The following STRN3 variants were observed in gnomAD, a reference collection of about 807,000 sequenced individuals.
STRN3 encodes the protein striatin-3.
In STRN3, 29 loss-of-function variants were observed where a neutral mutation model predicts 95.6. That is an observed-to-expected ratio of 0.30 (90% confidence interval 0.23 to 0.41). The LOEUF is 0.41. Among genes scored for constraint, STRN3 ranks in the 10% least tolerant of loss-of-function variants. The pLI, the probability that STRN3 is intolerant of heterozygous loss-of-function variation, is 1.00. For missense variants in STRN3, 890 were observed against 972.1 expected, an observed-to-expected ratio of 0.92 and a Z score of 1.12; for synonymous variants, 331 against 357.6, an observed-to-expected ratio of 0.93 and a Z score of 0.84.
chr14:30,895,328 A>G lies in STRN3; in HGVS notation c.*83T>C, dbSNP rs976918935. 7 of 1,384,392 alleles carry G rather than the reference A, an allele frequency of 5.1e-6. No homozygotes were observed. The highest frequency in any genetic ancestry group is 1.5e-5 in the South Asian group (1 of 68,536). The allele number at this position is 1,384,392 out of a possible 1,614,324, so 85.8% of individuals were successfully genotyped here. ...CACCAGGCAGATCACATGTAGTGTC[A>G]TATCAGTAACCTTTCTGATGGCAGT... On this transcript the variant is annotated 3_prime_UTR_variant, in exon 18 of 18. Coordinates refer to ENST00000357479, the MANE Select transcript of STRN3 (RefSeq NM_001083893.2).
intron 8 of STRN3, among the ~76,000 whole-genome samples, chr14:30,925,803 T>C (rs1039089971): frequency 5.9e-5 from 9 of 152,138 alleles, no homozygotes; most frequent in African/African-American, 2.2e-4. Flanking sequence ...TATAATTATG[T>C]GTCATTTATA....
intron 1 of STRN3, among the ~76,000 whole-genome samples, chr14:31,020,817 G>C (rs1259393197): frequency 1.3e-5 from 2 of 151,992 alleles, no homozygotes; most frequent in Non-Finnish European, 2.9e-5. Context: ...GCAGCAGGAG[G>C]ATCAGTTGAG....
At chr14:30,999,326 C>T (rs1882341613) in intron 1 of STRN3, among the ~76,000 whole-genome samples, 1 of 152,220 alleles carries the variant, frequency 6.6e-6, no homozygotes, top group African/African-American at 2.4e-5. Flanking sequence ...GGATTACAGG[C>T]ATGAGCCACC....
chr14:30,937,919 T>A (rs909455548), intron 5 of STRN3, among the ~76,000 whole-genome samples: 1 of 152,178 alleles, frequency 6.6e-6, no homozygotes, highest in Non-Finnish European at 1.5e-5. Context: ...TTGGTTTCCA[T>A]GAGGCAGTGG....
At chr14:30,989,462 A>AT (rs1230839386) in intron 1 of STRN3, among the ~76,000 whole-genome samples, 1 of 152,024 alleles carries the variant, frequency 6.6e-6, no homozygotes, top group African/African-American at 2.4e-5. Flanking sequence ...CAGGATTTTT[A>AT]TTTATTTATT....
chr14:30,968,001 T>TG (rs1880618966), intron 1 of STRN3, among the ~76,000 whole-genome samples: 1 of 152,158 alleles, frequency 6.6e-6, no homozygotes, highest in Non-Finnish European at 1.5e-5. Flanking sequence ...GCCTAATAAC[T>TG]GGTCTCCTCA....
intron 1 of STRN3, among the ~76,000 whole-genome samples, chr14:30,991,842 T>C (rs1424146970): frequency 6.6e-6 from 1 of 151,390 alleles, no homozygotes; most frequent in African/African-American, 2.4e-5. Context: ...GGTTCACCTG[T>C]AATCCCAGTA....
chr14:30,944,762 C>G (rs1442457023), intron 5 of STRN3, among the ~76,000 whole-genome samples: 1 of 151,346 alleles, frequency 6.6e-6, no homozygotes, highest in Non-Finnish European at 1.5e-5. Context: ...GGATTACAAG[C>G]GTGCACCCAG....
chr14:30,989,782 G>A (rs1047016703), intron 1 of STRN3, among the ~76,000 whole-genome samples: 2 of 151,298 alleles, frequency 1.3e-5, no homozygotes, highest in Non-Finnish European at 2.9e-5. Flanking sequence ...ATAGCCAGAC[G>A]GTAGGAGATT....
At chr14:30,980,545 T>C (rs1881342553) in intron 1 of STRN3, among the ~76,000 whole-genome samples, 1 of 151,880 alleles carries the variant, frequency 6.6e-6, no homozygotes, top group Admixed American at 6.6e-5. Context: ...GTTGCTGGGA[T>C]TACAGGCACC....
At position 31,024,424 on chromosome 14, in the gene STRN3, TG is replaced by T. The variant is rs1883679503; in HGVS notation, c.282+1479del. On this transcript the variant is annotated intron_variant, in intron 1 of 17. Coordinates refer to ENST00000357479, the MANE Select transcript of STRN3 (RefSeq NM_001083893.2). ...AAATTTTAAGTATGTTAAAGCAGAC[TG>T]TACACAACTTAAACCAGTTTTGACT... is the stretch of plus-strand genomic sequence containing the variant. Among the ~76,000 whole-genome samples, 11 of 152,232 alleles carry T rather than the reference TG, an allele frequency of 7.2e-5. No individual in the cohort carries two copies. In the South Asian group the frequency reaches 2.3e-3, roughly 31 times the overall value.
At position 30,950,781 on chromosome 14, in the gene STRN3, A is replaced by G. The variant is rs1879599360; in HGVS notation, c.542+82T>C. 4 of 1,305,264 alleles carry G rather than the reference A, an allele frequency of 3.1e-6. No homozygotes were observed. The East Asian group carries it at 9.3e-5, about 30-fold the overall frequency. 80.9% of individuals were successfully genotyped at this position (1,305,264 alleles called of 1,614,324 possible). ...AAAACATACACATTGTCCCAATATG[A>G]TTTTTTACTTGTAAAGTGATTCAGT... On this transcript the variant is annotated intron_variant, in intron 4 of 17. Coordinates refer to ENST00000357479, the MANE Select transcript of STRN3 (RefSeq NM_001083893.2).
chr14:30,993,254 C>CAAAA (rs35552314), intron 1 of STRN3, among the ~76,000 whole-genome samples: 1 of 129,614 alleles, frequency 7.7e-6, no homozygotes, highest in Non-Finnish European at 1.6e-5. Context: ...GACACTGTCT[C>CAAAA]AAAAAAAAAA....
At chr14:31,025,879 C>T (rs775631007) in intron 1 of STRN3, 25 bp downstream of exon 1, 20 of 1,590,492 alleles carry the variant, frequency 1.3e-5, no homozygotes, top group Non-Finnish European at 1.7e-5. Flanking sequence ...GCCGCAGCTC[C>T]CGCACACCGA....
chr14:31,020,552 T>C (rs1196044829), intron 1 of STRN3, among the ~76,000 whole-genome samples: 1 of 152,060 alleles, frequency 6.6e-6, no homozygotes, highest in Non-Finnish European at 1.5e-5. Context: ...TGAAACTCCA[T>C]TACATATACA....
chr14:30,930,547 T>G (rs1437559527), intron 7 of STRN3, among the ~76,000 whole-genome samples: 1 of 152,142 alleles, frequency 6.6e-6, no homozygotes, highest in Non-Finnish European at 1.5e-5. Flanking sequence ...TCACAGGTGG[T>G]CGGTCAGTAT....
chr14:30,993,748 C>T (rs1254553547), intron 1 of STRN3, among the ~76,000 whole-genome samples: 2 of 152,112 alleles, frequency 1.3e-5, no homozygotes, highest in Non-Finnish European at 2.9e-5. Flanking sequence ...AGTGCGATCT[C>T]GGCTCACTGC....
In STRN3 at chr14:30,919,004, G is replaced by A. The variant is rs766119921; in HGVS notation, c.1202C>T (p.Thr401Ile). The A allele has an allele frequency of 6.2e-7, 1 of 1,606,300 alleles. No homozygotes were observed. The highest frequency in any genetic ancestry group is 1.1e-5 in the South Asian group (1 of 90,052). ...GIINQSRSAS[T>I]RMTDHEGARA... ...TGCACCTTCATGATCAGTCATTCTA[G>A]TAGAGGCTGACCTAGACTGATTAAT... The change falls in exon 9 of 18, where the codon ACT (threonine) becomes ATT (isoleucine). Residue 401 changes from threonine to isoleucine, a missense_variant. Physicochemically the swap from Thr to Ile is moderately conservative, Grantham distance 89. Around this residue, in one of 3 missense-constraint regions of STRN3, gnomAD observed 526 missense variants for 526.3 expected, o/e 1.00. Coordinates refer to ENST00000357479, the MANE Select transcript of STRN3 (RefSeq NM_001083893.2).
At chr14:30,957,281 G>A (rs1231995330) in intron 1 of STRN3, among the ~76,000 whole-genome samples, 5 of 152,006 alleles carry the variant, frequency 3.3e-5, no homozygotes, top group African/African-American at 7.2e-5. Flanking sequence ...GGTGAAACCC[G>A]TCTCTACTAA....
Sources: allele counts gnomAD v4.1 joint callset (sites outside exome capture counted in the v4.1 genomes callset), GRCh38; gene constraint gnomAD v4.1.1; regional missense constraint gnomAD v4.1.1; transcripts MANE v1.5; gene names NCBI Gene and HGNC (gene_info 2026-07-23, HGNC 2026-07-21).